Variants in TMEM232 observed in about 807,000 individuals in gnomAD.
TMEM232 encodes transmembrane protein 232.
In TMEM232, 80 loss-of-function variants were observed where a neutral mutation model predicts 78.8. The observed-to-expected ratio is 1.01, with a 90% confidence interval of 0.85 to 1.22. The LOEUF is 1.22. Among genes scored for constraint, TMEM232 ranks in the 50% most tolerant of loss-of-function variants. TMEM232 has a pLI of 0.00. For synonymous variants in TMEM232, 297 were observed against 254.3 expected (o/e 1.17, Z -1.60); for missense variants, 881 against 742.2 (o/e 1.19, Z -2.17).
intron 1 of TMEM232, among the ~76,000 whole-genome samples, chr5:110,711,813 A>C (rs1796510553): frequency 6.6e-6 from 1 of 152,188 alleles, no homozygotes; most frequent in Non-Finnish European, 1.5e-5. Flanking sequence ...TACATTTAAG[A>C]ATCAAACTCT....
intron 12 of TMEM232, among the ~76,000 whole-genome samples, chr5:110,427,215 G>C (rs1757334649): frequency 1.3e-5 from 2 of 151,892 alleles, no homozygotes; most frequent in Admixed American, 1.3e-4. Context: ...TTACTACTTA[G>C]TGTTATTTAA....
chr5:110,685,382 T>C (rs999164454), intron 1 of TMEM232, among the ~76,000 whole-genome samples: 2 of 152,018 alleles, frequency 1.3e-5, no homozygotes, highest in African/African-American at 4.8e-5. Context: ...CAGAACAAAA[T>C]CTGAGAAAGA....
intron 12 of TMEM232, among the ~76,000 whole-genome samples, chr5:110,455,172 GA>G (rs962942051): frequency 9.9e-5 from 15 of 151,790 alleles, no homozygotes; most frequent in Non-Finnish European, 2.2e-4. Context: ...ATCCTTCCAA[GA>G]AAAAAAATGC....
At chr5:110,735,322 A>G (rs575717155) in intron 1 of TMEM232, among the ~76,000 whole-genome samples, 2 of 152,352 alleles carry the variant, frequency 1.3e-5, no homozygotes, top group South Asian at 2.1e-4. Flanking sequence ...CAACTCAACA[A>G]TAATAATGAC....
chr5:110,428,554 C>G (rs1374708121), intron 12 of TMEM232, among the ~76,000 whole-genome samples: 1 of 151,646 alleles, frequency 6.6e-6, no homozygotes, highest in Non-Finnish European at 1.5e-5. Context: ...GCAAACACAT[C>G]AAATTGACCT....
At chr5:110,708,986 A>T (rs895652411) in intron 1 of TMEM232, among the ~76,000 whole-genome samples, 1 of 152,114 alleles carries the variant, frequency 6.6e-6, no homozygotes, top group East Asian at 1.9e-4. Flanking sequence ...TTTACAACAA[A>T]CATACTTCAC....
At chr5:110,710,400 C>T (rs1796350719) in intron 1 of TMEM232, among the ~76,000 whole-genome samples, 1 of 151,990 alleles carries the variant, frequency 6.6e-6, no homozygotes, top group Non-Finnish European at 1.5e-5. Context: ...TTCTATGAGG[C>T]CAGTATTACT....
At chr5:110,495,379 A>C (rs554184528) in intron 12 of TMEM232, among the ~76,000 whole-genome samples, 1 of 151,986 alleles carries the variant, frequency 6.6e-6, no homozygotes, top group Admixed American at 6.6e-5. Flanking sequence ...TCTCAACATC[A>C]GGATTTTTTA....
At chr5:110,675,920 T>C (rs556051380) in intron 1 of TMEM232, among the ~76,000 whole-genome samples, 2 of 152,260 alleles carry the variant, frequency 1.3e-5, no homozygotes, top group African/African-American at 4.8e-5. Context: ...ACATCCCCCA[T>C]TTCTACCTCC....
In TMEM232 at chr5:110,427,357, T is replaced by G. The variant is rs540290817; in HGVS notation, c.1704-2441A>C. 5.3e-5 allele frequency among the ~76,000 whole-genome samples: 8 copies of G among 152,136 alleles called. No homozygotes were observed. In the South Asian group the frequency reaches 1.7e-3, roughly 31 times the overall value. ...ACAAGTTTCAGCTGCAATATCTTTATCATATTCATTGTCAAAAGAATTCAG... is the reference window on the plus strand; with the variant it reads ...ACAAGTTTCAGCTGCAATATCTTTAGCATATTCATTGTCAAAAGAATTCAG... On this transcript the variant is annotated intron_variant, in intron 12 of 13. Transcript: ENST00000455884.
At chr5:110,390,247 C>G (rs1353323292) in intron 4 of TMEM232, among the ~76,000 whole-genome samples, 2 of 152,162 alleles carry the variant, frequency 1.3e-5, no homozygotes, top group African/African-American at 4.8e-5. Flanking sequence ...TTGACTGATA[C>G]AATCTCACTG....
intron 12 of TMEM232, among the ~76,000 whole-genome samples, chr5:110,478,069 G>A (rs946227616): frequency 2.6e-5 from 4 of 151,848 alleles, no homozygotes; most frequent in Non-Finnish European, 5.9e-5. Context: ...ACATGTCTCA[G>A]CCATAAGAAT....
rs1404910403 is a variant in TMEM232, at chr5:110,531,188, C to A, written c.1456-2353G>T. On this transcript the variant is annotated intron_variant, in intron 11 of 13. Transcript: ENST00000455884. ...AGAACAACCCCCCTTTTTCCTTTAC[C>A]TACCCAAATCCTATAAAATGGCCCC... Among the ~76,000 whole-genome samples the A allele has an allele frequency of 2.6e-5, 4 of 152,194 alleles. No individual in the cohort carries two copies. The East Asian group carries it at 7.8e-4, about 30-fold the overall frequency.
chr5:110,669,432 A>C (rs1369485993), intron 1 of TMEM232, among the ~76,000 whole-genome samples: 2 of 152,248 alleles, frequency 1.3e-5, no homozygotes, highest in African/African-American at 4.8e-5. Context: ...TAAACCAGGA[A>C]GAAGCTGAAT....
chr5:110,704,719 A>C (rs1251475420), intron 1 of TMEM232, among the ~76,000 whole-genome samples: 1 of 152,104 alleles, frequency 6.6e-6, no homozygotes, highest in Non-Finnish European at 1.5e-5. Flanking sequence ...TTTTAGGATT[A>C]AGATACTACC....
chr5:110,455,279 T>A (rs980803431), intron 12 of TMEM232, among the ~76,000 whole-genome samples: 3 of 152,198 alleles, frequency 2.0e-5, no homozygotes, highest in African/African-American at 7.2e-5. Flanking sequence ...ATTTCGCAAT[T>A]CATCTCATGA....
chr5:110,578,369 T>A (rs1400758642), intron 10 of TMEM232, among the ~76,000 whole-genome samples: 1 of 151,962 alleles, frequency 6.6e-6, no homozygotes, highest in African/African-American at 2.4e-5. Flanking sequence ...AATATGAATA[T>A]TTTACCTTTA....
At chr5:110,656,006 T>C (rs150148945) in intron 2 of TMEM232, among the ~76,000 whole-genome samples, 4,944 of 151,336 alleles carry the variant, frequency 0.033, 119 homozygotes, top group African/African-American at 0.061. Flanking sequence ...TGTATACATA[T>C]GAACTAACCT....
In TMEM232 at chr5:110,462,981, T is replaced by G. The variant is rs115286529; in HGVS notation, c.1704-38065A>C. On this transcript the variant is annotated intron_variant, in intron 12 of 13. Transcript: ENST00000455884. Reference sequence around the variant, plus strand: ...CTCCTGGTAAAGATGCTGTGAACATTGTTGAAATGCAAAAACGGATTTAAA... The same window carrying G: ...CTCCTGGTAAAGATGCTGTGAACATGGTTGAAATGCAAAAACGGATTTAAA... 5.4e-3 allele frequency among the ~76,000 whole-genome samples: 824 copies of G among 152,266 alleles called. 12 individuals are homozygous for G. Among genetic ancestry groups the G allele is most frequent in the African/African-American group, 0.019 (808 of 41,544 alleles).
Sources: allele counts gnomAD v4.1 joint callset (sites outside exome capture counted in the v4.1 genomes callset), GRCh38; gene constraint gnomAD v4.1.1; transcripts MANE v1.5; gene names NCBI Gene and HGNC (gene_info 2026-07-23, HGNC 2026-07-21).